DHX57: variants seen among roughly 807,000 people sequenced by gnomAD.
DHX57 encodes the protein putative ATP-dependent RNA helicase DHX57.
DHX57 carries 105 observed loss-of-function variants against 156.2 expected under a neutral mutation model. That is an observed-to-expected ratio of 0.67 (90% CI 0.57 to 0.79). The LOEUF (loss-of-function observed/expected upper bound fraction) is 0.79, where lower values mean the gene tolerates loss of function less well. DHX57 is among the 30% of genes least tolerant of loss of function. DHX57 has a pLI of 0.00. For synonymous variants in DHX57, 704 were observed against 595.6 expected, an observed-to-expected ratio of 1.18 and a Z score of -2.65; for missense variants, 1,847 against 1,661.9, an observed-to-expected ratio of 1.11 and a Z score of -1.94.
chr2:38,848,671 T>C (rs1672418912), intron 9 of DHX57, among the ~76,000 whole-genome samples: 2 of 152,202 alleles, frequency 1.3e-5, no homozygotes, highest in African/African-American at 2.4e-5. Flanking sequence ...TAATGAGATA[T>C]CTGGGGGATG....
intron 23 of DHX57, among the ~76,000 whole-genome samples, chr2:38,802,390 C>T (rs3112210): frequency 0.36 from 54,387 of 151,542 alleles, 10,001 homozygotes; most frequent in Non-Finnish European, 0.37. Context: ...TAGGTTCAAG[C>T]GATTCTCATG....
intron 9 of DHX57, 56 bp from the exon 10 acceptor site, chr2:38,848,458 AG>A: frequency 6.5e-7 from 1 of 1,530,696 alleles, no homozygotes; most frequent in East Asian, 2.3e-5. Flanking sequence ...CATGAAAATT[AG>A]TAACTTTTAC....
Position 38,868,227 on chromosome 2 carries a change from T to A in DHX57, c.179A>T (p.Asp60Val), listed in dbSNP as rs755563209. 1.3e-5 allele frequency: 21 copies of A among 1,614,168 alleles called. No homozygotes were observed. The highest frequency in any genetic ancestry group is 1.8e-5 in the Non-Finnish European group (21 of 1,180,044). Residue 60 changes from aspartate to valine, a missense_variant, in exon 2 of 24, where the codon GAT becomes GTT. Coordinates refer to ENST00000457308, the MANE Select transcript of DHX57 (RefSeq NM_198963.3). The stretch of plus-strand genomic sequence containing the variant: ...ACTGAAGATACAAAAGTCATCTCCA[T>A]CATCCCATATTCTACTGGAGGCCTT... ...NRKASSRIWD[D>V]GDDFCIFSES...
chr2:38,856,382 A>G lies in DHX57; in HGVS notation c.1667T>C (p.Leu556Ser). 6.2e-7 allele frequency: 1 copy of G among 1,613,918 alleles called. No homozygotes were observed. The highest frequency in any genetic ancestry group is 8.5e-7 in the Non-Finnish European group (1 of 1,179,992). ...AWEERETILN[L>S]LRKHQVVVIS... Reference sequence around the variant, plus strand: ...GACAACCACCTGGTGCTTACGCAATAAGTTAAGAATGGTTTCTCTTTCTTC... The same window carrying G: ...GACAACCACCTGGTGCTTACGCAATGAGTTAAGAATGGTTTCTCTTTCTTC... Residue 556 changes from leucine to serine, a missense_variant, in exon 7 of 24, where the codon TTA becomes TCA. Leu to Ser is a moderately radical substitution (Grantham distance 145). Coordinates refer to ENST00000457308, the MANE Select transcript of DHX57 (RefSeq NM_198963.3).
At chr2:38,838,442 T>C (rs1671802504) in intron 12 of DHX57, among the ~76,000 whole-genome samples, 1 of 152,060 alleles carries the variant, frequency 6.6e-6, no homozygotes, top group Non-Finnish European at 1.5e-5. Flanking sequence ...TCAGAAGTAA[T>C]TTTTGCTTGA....
chr2:38,859,431 G>T (rs1294534211), intron 5 of DHX57, among the ~76,000 whole-genome samples: 2 of 152,122 alleles, frequency 1.3e-5, no homozygotes, highest in East Asian at 3.8e-4. Context: ...TTCTTTTGGG[G>T]TTGATGATAA....
At chr2:38,807,855 A>AT (rs1404550985) in intron 21 of DHX57, among the ~76,000 whole-genome samples, 1 of 149,326 alleles carries the variant, frequency 6.7e-6, no homozygotes, top group Non-Finnish European at 1.5e-5. Context: ...CATGTTGGTC[A>AT]GGCTGGTCTC....
Position 38,806,207 on chromosome 2 carries a change from C to T in DHX57, c.3816+352G>A, listed in dbSNP as rs146914260. ...GTGGTGGGGGCAGAAGCCTCAGTGG[C>T]AGGCTGAGAGCTGAGGAAGTGGTAT... On this transcript the variant is annotated intron_variant, in intron 22 of 23. Coordinates refer to ENST00000457308, the MANE Select transcript of DHX57 (RefSeq NM_198963.3). Among the ~76,000 whole-genome samples the T allele has an allele frequency of 1.9e-3, 293 of 152,240 alleles. 2 individuals are homozygous for T. Among genetic ancestry groups the T allele is most frequent in the African/African-American group, 6.8e-3 (282 of 41,548 alleles).
rs561910654 is a variant in DHX57 at position 38,873,069 on chromosome 2, C to G, written c.-7+2718G>C. On this transcript the variant is annotated intron_variant, in intron 1 of 23. Transcript: ENST00000457308. ...GTGGCACAATCTTGGCTCACAGCAA[C>G]CTCCGCCTCCCAGGTTCAAGCGATT... is the stretch of plus-strand genomic sequence containing the variant. Among the ~76,000 whole-genome samples the G allele has an allele frequency of 4.4e-4, 67 of 152,162 alleles. 1 individual carries two copies. The highest frequency in any genetic ancestry group is 1.5e-3 in the South Asian group (7 of 4,816).
Position 38,855,089 on chromosome 2 carries a change from C to T in DHX57, c.1873G>A (p.Val625Met), listed in dbSNP as rs997235941. Residue 625 changes from valine to methionine, a missense_variant, in exon 8 of 24, where the codon GTG (valine) becomes ATG (methionine). Val to Met is a conservative substitution (Grantham distance 21). Transcript: ENST00000457308. ...CTTTCTAACCGAATCTGGTATCCCA[C>T]GGTCAGACCCACCCTCTCTGCTCTT... ...KERAERVGLT[V>M]GYQIRLESVK... 5.0e-6 allele frequency: 8 copies of T among 1,613,972 alleles called. No individual in the cohort carries two copies. The highest frequency in any genetic ancestry group is 1.3e-5 in the African/African-American group (1 of 74,870).
intron 12 of DHX57, among the ~76,000 whole-genome samples, chr2:38,841,981 T>C (rs1672032074): frequency 6.6e-6 from 1 of 152,218 alleles, no homozygotes; most frequent in Admixed American, 6.5e-5. Flanking sequence ...TCATGTCAAA[T>C]ATTGCTTCAC....
intron 1 of DHX57, among the ~76,000 whole-genome samples, chr2:38,870,615 C>T (rs1369772685): frequency 6.6e-6 from 1 of 152,184 alleles, no homozygotes; most frequent in Non-Finnish European, 1.5e-5. Flanking sequence ...CGTGGTGGCT[C>T]ATGCCTGTAA....
intron 11 of DHX57, among the ~76,000 whole-genome samples, chr2:38,845,223 AC>A (rs1672206647): frequency 6.6e-6 from 1 of 151,736 alleles, no homozygotes; most frequent in Non-Finnish European, 1.5e-5. Flanking sequence ...ACAAAAAAAA[AC>A]CCATATATAT....
chr2:38,834,839 G>A (rs1050710730), intron 13 of DHX57, among the ~76,000 whole-genome samples: 2 of 152,222 alleles, frequency 1.3e-5, no homozygotes, highest in Non-Finnish European at 2.9e-5. Flanking sequence ...TGTCACTGCA[G>A]CTATGCCAGC....
chr2:38,821,486 G>C (rs532779447), intron 17 of DHX57, among the ~76,000 whole-genome samples: 3 of 152,244 alleles, frequency 2.0e-5, no homozygotes, highest in South Asian at 4.2e-4. Context: ...ACAAGGTCAG[G>C]AGTTAGAGAT....
Position 38,823,102 on chromosome 2 carries a change from GA to G in DHX57, c.3181del (p.Ser1061LeufsTer6). On this transcript the variant is annotated frameshift_variant, in exon 17 of 24. Coordinates refer to ENST00000457308, the MANE Select transcript of DHX57 (RefSeq NM_198963.3). LOFTEE classifies it high-confidence loss of function. ...RLTPLGYHLA[S>X]LPVDVRIGKL... ...GCCAATTCTCACATCCACGGGCAGA[GA>G]GGCCAAATGATACCCAAGAGGGGTC... is the stretch of plus-strand genomic sequence containing the variant. The G allele has an allele frequency of 6.2e-7, 1 of 1,614,172 alleles. No homozygotes were observed.
At chr2:38,816,378 C>A (rs914246935) in intron 19 of DHX57, among the ~76,000 whole-genome samples, 4 of 152,036 alleles carry the variant, frequency 2.6e-5, no homozygotes, top group African/African-American at 9.7e-5. Context: ...CCACGCCCAG[C>A]CAATTTTTGT....
At chr2:38,817,229 G>T (rs931692086) in intron 19 of DHX57, among the ~76,000 whole-genome samples, 3 of 152,102 alleles carry the variant, frequency 2.0e-5, no homozygotes, top group African/African-American at 7.2e-5. Flanking sequence ...ACTGCGCAGG[G>T]TCCCAAAATC....
intron 19 of DHX57, chr2:38,816,275 C>G (rs887854218): frequency 2.2e-6 from 1 of 458,098 alleles, no homozygotes; most frequent in Non-Finnish European, 4.4e-6. Context: ...AGTGCAGTGG[C>G]GCAATCTTGG....
Sources: allele counts gnomAD v4.1 joint callset (sites outside exome capture counted in the v4.1 genomes callset), GRCh38; gene constraint gnomAD v4.1.1; transcripts MANE v1.5; gene names NCBI Gene and HGNC (gene_info 2026-07-23, HGNC 2026-07-21).